Variants in MYH9 observed in about 807,000 individuals in gnomAD.
MYH9 encodes myosin-9.
MYH9 carries 29 observed loss-of-function variants against 241.9 expected under a neutral mutation model. The observed-to-expected ratio is 0.12, with a 90% CI of 0.09 to 0.16. The LOEUF is 0.16. MYH9 is among the 10% of genes least tolerant of loss of function. The pLI, the probability that MYH9 is intolerant of heterozygous loss-of-function variation, is 1.00. For synonymous variants in MYH9, 1,047 were observed against 1,062.6 expected (o/e 0.99, Z 0.29); for missense variants, 1,803 against 2,595.5 (o/e 0.69, Z 6.63).
At chr22:36,333,834 G>T (rs942509401) in intron 3 of MYH9, among the ~76,000 whole-genome samples, 1 of 152,188 alleles carries the variant, frequency 6.6e-6, no homozygotes, top group Non-Finnish European at 1.5e-5. Context: ...AAAACGGGCT[G>T]GTAGGTGACA....
intron 1 of MYH9, among the ~76,000 whole-genome samples, chr22:36,353,228 G>C (rs967497028): frequency 6.6e-6 from 1 of 152,116 alleles, no homozygotes; most frequent in Admixed American, 6.6e-5. Context: ...TTTATGAATG[G>C]GGGATAGTAA....
intron 3 of MYH9, among the ~76,000 whole-genome samples, chr22:36,338,964 T>C (rs1366636823): frequency 6.6e-6 from 1 of 152,254 alleles, no homozygotes; most frequent in East Asian, 1.9e-4. Flanking sequence ...CCTAAGTTCC[T>C]ATGAAGGCCA....
intron 1 of MYH9, among the ~76,000 whole-genome samples, chr22:36,370,764 C>T (rs2018078097): frequency 6.6e-6 from 1 of 151,960 alleles, no homozygotes; most frequent in Non-Finnish European, 1.5e-5. Flanking sequence ...AGCCCCCACC[C>T]AGTTCTCAAG....
At chr22:36,362,637 C>T (rs906849414) in intron 1 of MYH9, among the ~76,000 whole-genome samples, 4 of 152,094 alleles carry the variant, frequency 2.6e-5, no homozygotes, top group South Asian at 2.1e-4. Context: ...CCAGCACGCT[C>T]GGCTAATTTT....
chr22:36,376,721 G>A (rs1418395571), intron 1 of MYH9, among the ~76,000 whole-genome samples: 5 of 152,196 alleles, frequency 3.3e-5, no homozygotes, highest in African/African-American at 7.2e-5. Flanking sequence ...GTCACTAACC[G>A]GCATTCAAAA....
chr22:36,381,375 G>A (rs1330759114), intron 1 of MYH9, among the ~76,000 whole-genome samples: 1 of 151,888 alleles, frequency 6.6e-6, no homozygotes, highest in Non-Finnish European at 1.5e-5. Context: ...AAATTAGCTG[G>A]GCATAGTGGC....
Position 36,293,353 on chromosome 22 carries a change from C to T in MYH9, c.4071G>A (p.Lys1357=), listed in dbSNP as rs773334992. The change falls in exon 30 of 41, where the codon AAG becomes AAA. Residue 1357 remains lysine, a synonymous_variant. Coordinates refer to ENST00000216181, the MANE Select transcript of MYH9 (RefSeq NM_002473.6). This position sits in a 1 kb window ranked among gnomAD's most constrained non-coding sequence, Gnocchi z 5.1. Reference sequence around the variant, plus strand: ...CCTGGGCATGGAGGGTGGCGATCTGCTTCTCCAGGTTGTGCTTGGCCTCCT... The same window carrying T: ...CCTGGGCATGGAGGGTGGCGATCTGTTTCTCCAGGTTGTGCTTGGCCTCCT... ...EEEEAKHNLE[K]QIATLHAQVA... 1.2e-6 allele frequency: 2 copies of T among 1,614,088 alleles called. No homozygotes were observed. The highest frequency in any genetic ancestry group is 2.2e-5 in the South Asian group (2 of 91,088).
intron 2 of MYH9, among the ~76,000 whole-genome samples, chr22:36,346,925 C>CT (rs1406329784): frequency 6.6e-6 from 1 of 152,112 alleles, no homozygotes; most frequent in Non-Finnish European, 1.5e-5. Context: ...CTCTTCATGG[C>CT]TTTTTTCCAC....
chr22:36,349,071 C>A lies in MYH9; in HGVS notation c.166G>T (p.Val56Leu), dbSNP rs563932558. ...TTCTTCCCATTCTCCACCAGCTCCA[C>A]GATGGCCTCTTCGCCCACCTCCTCC... ...LKEEVGEEAI[V>L]ELVENGKKVK... Residue 56 changes from valine (V) to leucine (L), a missense_variant, in exon 2 of 41, where the codon GTG (valine) becomes TTG (leucine). By Grantham distance (32) the Val-to-Leu change is conservative. Transcript: ENST00000216181. The A allele has an allele frequency of 2.5e-6, 4 of 1,614,246 alleles. No individual in the cohort carries two copies. In the Admixed American group the frequency reaches 5.0e-5, roughly 20 times the overall value.
In MYH9 at chr22:36,301,004, C is replaced by G. The variant is rs778026220; in HGVS notation, c.2685G>C (p.Leu895=). 1.9e-6 allele frequency: 3 copies of G among 1,611,928 alleles called. No individual in the cohort carries two copies. Among genetic ancestry groups the G allele is most frequent in the South Asian group, 2.2e-5 (2 of 91,084 alleles). Residue 895 remains leucine, a synonymous_variant, in exon 22 of 41, where the codon CTG becomes CTC. Transcript: ENST00000216181. ...LQEQLQAETE[L]CAEAEELRAR... ...CCCGGAGCTCCTCAGCCTCGGCACA[C>G]AGCTCGGTTTCTGCCTGGAGCTGCT... is the stretch of plus-strand genomic sequence containing the variant.
chr22:36,284,164 G>A lies in MYH9; in HGVS notation c.5694C>T (p.Arg1898=), dbSNP rs559732738. ...CCGTCTCAGTGGCGTCCTCCAGCTC[G>A]CGCTGCAGTTTCCGGCGGGAGGCGT... ...RANASRRKLQ[R]ELEDATETAD... is the part of the protein sequence containing the mutation. The change falls in exon 40 of 41, where the codon CGC becomes CGT. Residue 1898 remains arginine (R), a synonymous_variant. Coordinates refer to ENST00000216181, the MANE Select transcript of MYH9 (RefSeq NM_002473.6). The A allele has an allele frequency of 3.4e-5, 55 of 1,614,010 alleles. No individual in the cohort carries two copies. The highest frequency in any genetic ancestry group is 1.5e-4 in the African/African-American group (11 of 74,958).
chr22:36,327,420 T>G, intron 4 of MYH9, 41 bp downstream of exon 4: 2 of 1,612,754 alleles, frequency 1.2e-6, no homozygotes, highest in Non-Finnish European at 1.7e-6. Flanking sequence ...GAGAACAGAC[T>G]GGGGTGAAAC....
intron 31 of MYH9, among the ~76,000 whole-genome samples, chr22:36,291,458 G>A (rs1015746267): frequency 1.3e-5 from 2 of 151,648 alleles, no homozygotes; most frequent in African/African-American, 2.4e-5. Context: ...GATGTGCTTT[G>A]TTAAACAGAT....
Position 36,294,101 on chromosome 22 carries a change from G to A in MYH9, c.3828C>T (p.Thr1276=), listed in dbSNP as rs1051314680. ...RVRTELADKV[T]KLQVELDNVT... ...CTGGCGGAGGCCTCACCTGCAGCTT[G>A]GTGACCTTGTCGGCCAGCTCTGTGC... Residue 1276 remains threonine, a synonymous_variant, in exon 28 of 41, where the codon ACC becomes ACT. Transcript: ENST00000216181. The A allele has an allele frequency of 6.2e-7, 1 of 1,608,918 alleles. No homozygotes were observed. Among genetic ancestry groups the A allele is most frequent in the Non-Finnish European group, 8.5e-7 (1 of 1,179,900 alleles).
At chr22:36,333,862 G>T (rs1231685531) in intron 3 of MYH9, among the ~76,000 whole-genome samples, 1 of 152,188 alleles carries the variant, frequency 6.6e-6, no homozygotes, top group African/African-American at 2.4e-5. Context: ...GGCAGCAAGA[G>T]AACTCGTCAC....
Position 36,282,467 on chromosome 22 carries a change from G to C in MYH9, c.*201C>G. 1 of 710,414 alleles carries C rather than the reference G, an allele frequency of 1.4e-6. No individual in the cohort carries two copies. The highest frequency in any genetic ancestry group is 2.6e-6 in the Non-Finnish European group (1 of 388,942). 44.0% of individuals were successfully genotyped at this position (710,414 alleles called of 1,614,324 possible). A position where few individuals can be genotyped will look rare whatever the true frequency, so the allele number is the denominator to read the frequency against. On this transcript the variant is annotated 3_prime_UTR_variant, in exon 41 of 41. Transcript: ENST00000216181. Reference sequence around the variant, plus strand: ...TATCAGATTCTGAGCAGGGGAGGGAGCTGGAAGGGGATGCAGCAGAGGAAG... The same window carrying C: ...TATCAGATTCTGAGCAGGGGAGGGACCTGGAAGGGGATGCAGCAGAGGAAG...
At chr22:36,369,287 T>G (rs2018057000) in intron 1 of MYH9, among the ~76,000 whole-genome samples, 1 of 152,204 alleles carries the variant, frequency 6.6e-6, no homozygotes, top group East Asian at 1.9e-4. Context: ...GACGTTGAGG[T>G]GCTGATGGAG....
At chr22:36,346,914 C>A (rs999104537) in intron 2 of MYH9, among the ~76,000 whole-genome samples, 1 of 152,166 alleles carries the variant, frequency 6.6e-6, no homozygotes, top group Non-Finnish European at 1.5e-5. Context: ...CCTATAGTAA[C>A]CTCTTCATGG....
intron 3 of MYH9, among the ~76,000 whole-genome samples, chr22:36,335,222 C>T (rs2017480217): frequency 6.6e-6 from 1 of 152,246 alleles, no homozygotes; most frequent in Non-Finnish European, 1.5e-5. Context: ...TCTGTACACT[C>T]TCTGCAGAGT....
Sources: allele counts gnomAD v4.1 joint callset (sites outside exome capture counted in the v4.1 genomes callset), GRCh38; gene constraint gnomAD v4.1.1; non-coding constraint Gnocchi (gnomAD v3.1); transcripts MANE v1.5; gene names NCBI Gene and HGNC (gene_info 2026-07-23, HGNC 2026-07-21).